The following DMD variants were observed in gnomAD, a reference collection of about 807,000 sequenced individuals.
DMD encodes dystrophin, also known as mutant dystrophin.
Under a neutral mutation model 330.1 loss-of-function variants are expected in DMD, and 63 were observed. That is an observed-to-expected ratio of 0.19 (90% CI 0.16 to 0.24). The LOEUF (loss-of-function observed/expected upper bound fraction) is 0.24. Ranked by LOEUF, DMD falls within the 10% of genes least tolerant of loss-of-function variation. The pLI is 1.00. For synonymous variants in DMD, 1,223 were observed against 959.8 expected (o/e 1.27, Z -5.07); for missense variants, 3,344 against 2,684.1 (o/e 1.25, Z -5.43).
chrX:31,758,840 G>A (rs1386018724), intron 51 of DMD, among the ~76,000 whole-genome samples: 2 of 112,077 alleles, frequency 1.8e-5, no homozygotes, highest in Non-Finnish European at 3.8e-5. Context: ...CAAAGTTAAA[G>A]TGTGAAGAAA....
chrX:33,239,308 A>T (rs946107524), intron 1 of DMD, among the ~76,000 whole-genome samples: 3 of 104,038 alleles, frequency 2.9e-5, no homozygotes, highest in Non-Finnish European at 5.9e-5. Flanking sequence ...AAAATGTCGA[A>T]TGTCAGGCAC....
chrX:32,929,718 C>A (rs1435608645), intron 2 of DMD, among the ~76,000 whole-genome samples: 1 of 110,665 alleles, frequency 9.0e-6, no homozygotes, highest in Non-Finnish European at 1.9e-5. Context: ...CCTTTGCCCC[C>A]CACCCCCTGA....
At position 31,237,023 on chromosome X, in the gene DMD, C is replaced by T. The variant is rs189438871; in HGVS notation, c.9287-13902G>A. ...TCAACACACCCCCAATATCCATGCC[C>T]TCTAATAATCATCATGAATAAAATG... On this transcript the variant is annotated intron_variant, in intron 63 of 78. Coordinates refer to ENST00000357033, the MANE Select transcript of DMD (RefSeq NM_004006.3). Among the ~76,000 whole-genome samples, 125 of 111,955 alleles carry T rather than the reference C, an allele frequency of 1.1e-3. 1 individual carries two copies. The highest frequency in any genetic ancestry group is 4.6e-3 in the Middle Eastern group (1 of 218).
At chrX:32,611,444 T>C (rs184210592) in intron 12 of DMD, among the ~76,000 whole-genome samples, 6 of 111,827 alleles carry the variant, frequency 5.4e-5, no homozygotes, top group Non-Finnish European at 3.8e-5. Flanking sequence ...GGCAATTTCA[T>C]AGTCATTAGA....
chrX:32,563,063 G>A (rs138707121), intron 16 of DMD, among the ~76,000 whole-genome samples: 3 of 111,036 alleles, frequency 2.7e-5, no homozygotes, highest in African/African-American at 6.6e-5. Context: ...ATAGTGGGCC[G>A]GGCGCGGTGA....
At chrX:31,363,146 T>C (rs2059031731) in intron 60 of DMD, among the ~76,000 whole-genome samples, 1 of 111,727 alleles carries the variant, frequency 9.0e-6, no homozygotes, top group Admixed American at 9.5e-5. Context: ...CTTTAACTAC[T>C]AAGAATATTT....
At chrX:32,883,828 A>C (rs2084231114) in intron 2 of DMD, among the ~76,000 whole-genome samples, 3 of 86,430 alleles carry the variant, frequency 3.5e-5, no homozygotes, top group African/African-American at 1.3e-4. Flanking sequence ...TGTTTCAAAA[A>C]AAAAAAAAAA....
At chrX:32,258,860 A>G (rs1483745316) in intron 43 of DMD, among the ~76,000 whole-genome samples, 1 of 111,408 alleles carries the variant, frequency 9.0e-6, no homozygotes, top group Non-Finnish European at 1.9e-5. Context: ...TGTTTTGAAC[A>G]TAGCCATAGG....
At chrX:32,670,942 T>C (rs940828100) in intron 9 of DMD, among the ~76,000 whole-genome samples, 1 of 111,187 alleles carries the variant, frequency 9.0e-6, no homozygotes, top group Non-Finnish European at 1.9e-5. Context: ...TGTGTGTGTG[T>C]GTGAGTGGGA....
chrX:32,656,668 T>A (rs1414390941), intron 9 of DMD, among the ~76,000 whole-genome samples: 1 of 112,100 alleles, frequency 8.9e-6, no homozygotes, highest in Admixed American at 9.5e-5. Context: ...CCAGTCATTT[T>A]GCTTCATCGT....
At chrX:31,205,023 C>G (rs182953849) in intron 66 of DMD, among the ~76,000 whole-genome samples, 2 of 112,028 alleles carry the variant, frequency 1.8e-5, no homozygotes, top group Non-Finnish European at 3.8e-5. Flanking sequence ...AGGGAAGGAA[C>G]CATATCTTGG....
chrX:32,395,608 G>A (rs2098038571), intron 30 of DMD, among the ~76,000 whole-genome samples: 1 of 111,695 alleles, frequency 9.0e-6, no homozygotes, highest in Admixed American at 9.6e-5. Context: ...CCCATGCTCT[G>A]TGATCAGAAA....
intron 44 of DMD, among the ~76,000 whole-genome samples, chrX:32,172,977 CA>C (rs764412239): frequency 9.2e-6 from 1 of 109,140 alleles, no homozygotes. Flanking sequence ...GTATTTGTTG[CA>C]GTATAGGATT....
At chrX:31,892,924 CA>C (rs921249916) in intron 47 of DMD, among the ~76,000 whole-genome samples, 1 of 111,627 alleles carries the variant, frequency 9.0e-6, no homozygotes, top group African/African-American at 3.2e-5. Context: ...ACATATAATC[CA>C]AATAAATTTC....
intron 44 of DMD, among the ~76,000 whole-genome samples, chrX:32,056,582 A>T (rs1163520369): frequency 9.0e-6 from 1 of 110,695 alleles, no homozygotes; most frequent in Middle Eastern, 4.2e-3. Context: ...TTGAAGAAAT[A>T]GAAAATCTGA....
chrX:33,038,270 C>T (rs1464781257), intron 1 of DMD, among the ~76,000 whole-genome samples: 1 of 111,693 alleles, frequency 9.0e-6, no homozygotes, highest in Non-Finnish European at 1.9e-5. Flanking sequence ...TGCATACCTC[C>T]AAACCTCCAA....
intron 7 of DMD, among the ~76,000 whole-genome samples, chrX:32,780,195 A>G (rs2074580105): frequency 8.9e-6 from 1 of 112,235 alleles, no homozygotes; most frequent in African/African-American, 3.2e-5. Context: ...AATTACCAAG[A>G]GGATTTTTCT....
At chrX:31,261,886 A>T (rs1338306934) in intron 62 of DMD, 1 of 112,344 alleles carries the variant, frequency 8.9e-6, no homozygotes, top group Non-Finnish European at 1.9e-5. Flanking sequence ...ACAGGCTTTG[A>T]TACAGTAAAA....
At chrX:32,835,208 G>A (rs1484871425) in intron 4 of DMD, among the ~76,000 whole-genome samples, 1 of 111,881 alleles carries the variant, frequency 8.9e-6, no homozygotes, top group Non-Finnish European at 1.9e-5. Flanking sequence ...AATGCCTAAT[G>A]AAAGGCACTA....
Sources: allele counts gnomAD v4.1 joint callset (sites outside exome capture counted in the v4.1 genomes callset), GRCh38; gene constraint gnomAD v4.1.1; transcripts MANE v1.5; gene names NCBI Gene and HGNC (gene_info 2026-07-23, HGNC 2026-07-21).